Variants in CNOT6 observed in about 807,000 individuals in gnomAD.
CNOT6 encodes CCR4-NOT transcription complex subunit 6.
CNOT6 carries 12 observed loss-of-function variants against 61.2 expected under a neutral mutation model. That is an observed-to-expected ratio of 0.20 (90% CI 0.13 to 0.32). The LOEUF is 0.32. Among genes scored for constraint, CNOT6 ranks in the 10% least tolerant of loss-of-function variants. The pLI is 1.00. For synonymous variants in CNOT6, 225 were observed against 240.6 expected (o/e 0.94, Z 0.60); for missense variants, 405 against 663.9 (o/e 0.61, Z 4.28).
chr5:180,577,532 C>T lies in CNOT6; in HGVS notation c.*3332C>T, dbSNP rs915468630. On this transcript the variant is annotated 3_prime_UTR_variant, in exon 12 of 12. Coordinates refer to ENST00000261951, the MANE Select transcript of CNOT6 (RefSeq NM_001370472.1). ...GATGTTGCAGATAATTCCAAGAACT[C>T]CTTCAGCAGGTGTTCTTCACCATTC... 17 of 152,606 alleles carry T rather than the reference C, an allele frequency of 1.1e-4. No homozygotes were observed. Among genetic ancestry groups the T allele is most frequent in the African/African-American group, 4.1e-4 (17 of 41,446 alleles). The allele number at this position is 152,606 out of a possible 1,614,324, so 9.5% of individuals were successfully genotyped here.
chr5:180,538,690 A>ATATG (rs1561648294), intron 2 of CNOT6, among the ~76,000 whole-genome samples: 1 of 59,906 alleles, frequency 1.7e-5, no homozygotes, highest in Non-Finnish European at 3.8e-5. Flanking sequence ...AAAAAGGTAT[A>ATATG]TATATATATA....
intron 7 of CNOT6, 105 bp downstream of exon 7, chr5:180,566,082 G>A: frequency 9.4e-7 from 1 of 1,067,492 alleles, no homozygotes; most frequent in Non-Finnish European, 1.3e-6. Flanking sequence ...AGTTCTTAAA[G>A]TACTGCTTTT....
rs965103588 is a variant in CNOT6 at position 180,577,458 on chromosome 5, A to G, written c.*3258A>G. ...AAGGACTAAAGCCAAGCTAGGCAAA[A>G]CAATGACAGCACCGTTTTTTCAGTG... On this transcript the variant is annotated 3_prime_UTR_variant, in exon 12 of 12. Coordinates refer to ENST00000261951, the MANE Select transcript of CNOT6 (RefSeq NM_001370472.1). 11 of 152,616 alleles carry G rather than the reference A, an allele frequency of 7.2e-5. No individual in the cohort carries two copies. Among genetic ancestry groups the G allele is most frequent in the Admixed American group, 3.3e-4 (5 of 15,276 alleles). 9.5% of individuals were successfully genotyped at this position (152,616 alleles called of 1,614,324 possible).
Position 180,567,127 on chromosome 5 carries a change from G to A in CNOT6, c.757G>A (p.Glu253Lys), listed in dbSNP as rs746976748. Residue 253 changes from glutamate to lysine, a missense_variant, in exon 8 of 12, where the codon GAG (glutamate) becomes AAG (lysine). Glu to Lys is a moderately conservative substitution (Grantham distance 56, BLOSUM62 1). Transcript: ENST00000261951. Reference sequence around the variant, plus strand: ...ACAGTATTACAGTTTTTTTCTGGTAGAGCTGAAAGAACGTGGCTATAATGG... The same window carrying A: ...ACAGTATTACAGTTTTTTTCTGGTAAAGCTGAAAGAACGTGGCTATAATGG... ...TEQYYSFFLVELKERGYNGFF... is the reference protein window; with the variant it reads ...TEQYYSFFLVKLKERGYNGFF... 2.5e-6 allele frequency: 4 copies of A among 1,612,868 alleles called. No individual in the cohort carries two copies. The highest frequency in any genetic ancestry group is 3.4e-6 in the Non-Finnish European group (4 of 1,179,666).
At chr5:180,551,080 A>G (rs1759573391) in intron 3 of CNOT6, among the ~76,000 whole-genome samples, 1 of 151,932 alleles carries the variant, frequency 6.6e-6, no homozygotes, top group African/African-American at 2.4e-5. Flanking sequence ...GTGGTGGTTC[A>G]TGTCTGTAAT....
intron 1 of CNOT6, among the ~76,000 whole-genome samples, chr5:180,516,833 T>TG (rs753637108): frequency 4.6e-5 from 7 of 152,340 alleles, no homozygotes; most frequent in South Asian, 4.1e-4. Context: ...CCAGTTTACT[T>TG]GCAGAAAATC....
At chr5:180,546,757 T>C (rs1759337329) in intron 2 of CNOT6, among the ~76,000 whole-genome samples, 1 of 152,266 alleles carries the variant, frequency 6.6e-6, no homozygotes, top group Admixed American at 6.5e-5. Context: ...TTTTCTCTAA[T>C]TTCCTATCAG....
In CNOT6 at chr5:180,576,936, A is replaced by T. The variant is rs1761026772; in HGVS notation, c.*2736A>T. 6.6e-6 allele frequency: 1 copy of T among 152,214 alleles called. No individual in the cohort carries two copies. The highest frequency in any genetic ancestry group is 1.5e-5 in the Non-Finnish European group (1 of 68,014). The allele number at this position is 152,214 out of a possible 1,614,324, so 9.4% of individuals were successfully genotyped here. ...TTTAGAAATGTCTTACAAAAAGTTTAGGGCATGTTTTCTGTTTTAAAGACC... is the reference window on the plus strand; with the variant it reads ...TTTAGAAATGTCTTACAAAAAGTTTTGGGCATGTTTTCTGTTTTAAAGACC... On this transcript the variant is annotated 3_prime_UTR_variant, in exon 12 of 12. Coordinates refer to ENST00000261951, the MANE Select transcript of CNOT6 (RefSeq NM_001370472.1).
chr5:180,520,067 C>G (rs1757814898), intron 1 of CNOT6, among the ~76,000 whole-genome samples: 1 of 152,030 alleles, frequency 6.6e-6, no homozygotes. Flanking sequence ...CTCCTGACCT[C>G]AAGTGATCTG....
At chr5:180,548,176 G>A (rs148051580) in intron 2 of CNOT6, among the ~76,000 whole-genome samples, 16 of 152,276 alleles carry the variant, frequency 1.1e-4, no homozygotes, top group Admixed American at 5.2e-4. Context: ...AGTGGGTTTT[G>A]TATATTCACA....
At chr5:180,562,557 G>A (rs1014412073) in intron 4 of CNOT6, among the ~76,000 whole-genome samples, 7 of 152,018 alleles carry the variant, frequency 4.6e-5, no homozygotes, top group Non-Finnish European at 8.8e-5. Context: ...TGGCTAATGC[G>A]GTGAAACCCT....
chr5:180,547,613 C>G (rs1043454996), intron 2 of CNOT6, among the ~76,000 whole-genome samples: 2 of 152,222 alleles, frequency 1.3e-5, no homozygotes, highest in East Asian at 3.8e-4. Context: ...TTGCTCCTCC[C>G]ATATGAAATG....
intron 1 of CNOT6, among the ~76,000 whole-genome samples, chr5:180,508,303 C>T (rs528195555): frequency 6.6e-6 from 1 of 152,068 alleles, no homozygotes; most frequent in African/African-American, 2.4e-5. Context: ...GATTGAAGAC[C>T]AAGATGATAA....
intron 3 of CNOT6, among the ~76,000 whole-genome samples, chr5:180,550,855 TA>T (rs956519172): frequency 1.3e-5 from 2 of 152,128 alleles, no homozygotes; most frequent in African/African-American, 4.8e-5. Context: ...GAGCTATAAT[TA>T]TTAAATTTGG....
At position 180,566,897 on chromosome 5, in the gene CNOT6, G is replaced by A. The variant is rs1030064467; in HGVS notation, c.718-191G>A. Among the ~76,000 whole-genome samples, 5 of 152,062 alleles carry A rather than the reference G, an allele frequency of 3.3e-5. No individual in the cohort carries two copies. The South Asian group carries it at 8.3e-4, about 25-fold the overall frequency. ...TGGAACTCCTGGGCTCTAGTGATCC[G>A]CCCGCCTCGGCCTCTCAAAGTGCTG... On this transcript the variant is annotated intron_variant, in intron 7 of 11. Transcript: ENST00000261951.
chr5:180,570,221 G>A (rs541605081), intron 10 of CNOT6, among the ~76,000 whole-genome samples: 1 of 152,150 alleles, frequency 6.6e-6, no homozygotes, highest in Non-Finnish European at 1.5e-5. Flanking sequence ...AGCCAGGCGT[G>A]GTGGTGCACG....
intron 10 of CNOT6, among the ~76,000 whole-genome samples, chr5:180,570,368 GATA>G (rs978099292): frequency 2.0e-5 from 3 of 151,880 alleles, no homozygotes; most frequent in African/African-American, 7.3e-5. Context: ...ATAATAATAT[GATA>G]ATAAAAGAGA....
intron 1 of CNOT6, among the ~76,000 whole-genome samples, chr5:180,525,209 G>A (rs1758045632): frequency 6.6e-6 from 1 of 152,148 alleles, no homozygotes; most frequent in Admixed American, 6.5e-5. Context: ...ACTTCCTTCT[G>A]TGCTTTGATT....
At chr5:180,542,208 TAGGTTTTGCTG>T (rs67286982) in intron 2 of CNOT6, among the ~76,000 whole-genome samples, 25,538 of 151,760 alleles carry the variant, frequency 0.17, 2,226 homozygotes, top group Non-Finnish European at 0.19. Flanking sequence ...TTGTGCTGCT[TAGGTTTTGCTG>T]AGGTTTTGCT....
Sources: allele counts gnomAD v4.1 joint callset (sites outside exome capture counted in the v4.1 genomes callset), GRCh38; gene constraint gnomAD v4.1.1; transcripts MANE v1.5; gene names NCBI Gene and HGNC (gene_info 2026-07-23, HGNC 2026-07-21).